MAP4: variants seen among roughly 807,000 people sequenced by gnomAD.
The protein encoded by MAP4 is microtubule-associated protein 4.
A neutral mutation model predicts 170.2 loss-of-function variants in MAP4; 76 were observed. That is an observed-to-expected ratio of 0.45 (90% CI 0.37 to 0.54). The LOEUF (loss-of-function observed/expected upper bound fraction) is 0.54, where lower values mean the gene tolerates loss of function less well. MAP4 is among the 20% of genes least tolerant of loss of function. The pLI is 0.00. For synonymous variants in MAP4, 909 were observed against 994.5 expected, an observed-to-expected ratio of 0.91 and a Z score of 1.62; for missense variants, 2,506 against 2,748.0, an observed-to-expected ratio of 0.91 and a Z score of 1.97.
chr3:47,997,511 A>T (rs1452984059), intron 2 of MAP4, among the ~76,000 whole-genome samples: 1 of 151,796 alleles, frequency 6.6e-6, no homozygotes, highest in Non-Finnish European at 1.5e-5. Flanking sequence ...TTAGAAAAGA[A>T]ATGTCTCAGA....
rs1013322314 is a variant in MAP4 at position 47,889,311 on chromosome 3, C to A, written c.5435-11788G>T. ...TCATATCTTTGTTTAATATGAGTTC[C>A]CTTGCCTGGAAGGCTTTCCCTCCGC... On this transcript the variant is annotated intron_variant, in intron 10 of 20. Transcript: ENST00000683076. Among the ~76,000 whole-genome samples the A allele has an allele frequency of 5.9e-5, 9 of 152,200 alleles. No homozygotes were observed. In the East Asian group the frequency reaches 1.7e-3, roughly 29 times the overall value.
chr3:47,852,770 C>T lies in MAP4; in HGVS notation c.*164G>A, dbSNP rs188027721. The T allele has an allele frequency of 1.4e-5, 22 of 1,545,440 alleles. No individual in the cohort carries two copies. The highest frequency in any genetic ancestry group is 9.8e-5 in the Admixed American group (5 of 50,892). ...GGCGAGCCTAGCGGGCTGCCCAGCA[C>T]GGCGCCCAAGCGCTCACTGGTCTAG... On this transcript the variant is annotated 3_prime_UTR_variant, in exon 21 of 21. Transcript: ENST00000683076.
rs189029023 is a variant in MAP4 at position 47,958,971 on chromosome 3, C to T, written c.292+18894G>A. On this transcript the variant is annotated intron_variant, in intron 3 of 20. Coordinates refer to ENST00000683076, the MANE Select transcript of MAP4 (RefSeq NM_001385682.1). ...TGCTGAAATTACAGGCATGAGCCAC[C>T]GCACCCGCCTTGAAATTAGATTTAT... Among the ~76,000 whole-genome samples the T allele has an allele frequency of 6.0e-4, 92 of 152,122 alleles. 1 individual carries two copies. The highest frequency in any genetic ancestry group is 1.5e-3 in the African/African-American group (64 of 41,512).
chr3:48,075,700 G>A (rs1325520382), intron 1 of MAP4, among the ~76,000 whole-genome samples: 3 of 151,688 alleles, frequency 2.0e-5, no homozygotes, highest in Non-Finnish European at 4.4e-5. Context: ...TGGGCCGGGC[G>A]CAGTGGTTCA....
At chr3:47,983,200 C>T (rs2100086442) in intron 2 of MAP4, among the ~76,000 whole-genome samples, 1 of 152,108 alleles carries the variant, frequency 6.6e-6, no homozygotes, top group South Asian at 2.1e-4. Flanking sequence ...CCATGGCACC[C>T]GGCAAAGATT....
intron 17 of MAP4, among the ~76,000 whole-genome samples, chr3:47,858,586 GGTGTGT>G (rs59208724): frequency 1.2e-4 from 17 of 145,276 alleles, no homozygotes; most frequent in Middle Eastern, 3.5e-3. Flanking sequence ...GTGAGGGGGT[GGTGTGT>G]GTGTGTGTGT....
chr3:47,911,227 C>T lies in MAP4; in HGVS notation c.3194G>A (p.Arg1065Lys), dbSNP rs1351692759. ...TGTTCTCATTTTCCCAGAACTTCCC[C>T]TTCCCTTCCTGCTTTTGCCATCACC... ...MAGDGKSRKG[R>K]GSSGKMRTDS... The change falls in exon 9 of 21, where the codon AGG (arginine) becomes AAG (lysine). Residue 1065 changes from arginine (R) to lysine (K), a missense_variant. Arg to Lys is a conservative substitution (Grantham distance 26, BLOSUM62 2). Coordinates refer to ENST00000683076, the MANE Select transcript of MAP4 (RefSeq NM_001385682.1). The surrounding 1 kb of genome is among the most constrained non-coding windows in gnomAD (Gnocchi z 4.0). 3 of 1,536,120 alleles carry T rather than the reference C, an allele frequency of 2.0e-6. No individual in the cohort carries two copies. In the Admixed American group the frequency reaches 5.9e-5, roughly 30 times the overall value.
At chr3:47,902,888 G>T in intron 10 of MAP4, 62 bp downstream of exon 10, 1 of 774,718 alleles carries the variant, frequency 1.3e-6, no homozygotes, top group Non-Finnish European at 1.6e-6. Context: ...CAAGGGCCTT[G>T]AAACTGTTAG....
intron 10 of MAP4, among the ~76,000 whole-genome samples, chr3:47,886,682 T>A (rs954043633): frequency 5.3e-5 from 8 of 152,150 alleles, no homozygotes; most frequent in Admixed American, 5.2e-4. Flanking sequence ...ACTTACTAAC[T>A]CCTTCAATGA....
chr3:47,909,068 G>T lies in MAP4; in HGVS notation c.5353C>A (p.Gln1785Lys), dbSNP rs1416611828. 1.2e-6 allele frequency: 2 copies of T among 1,613,740 alleles called. No homozygotes were observed. Among genetic ancestry groups the T allele is most frequent in the African/African-American group, 2.7e-5 (2 of 74,910 alleles). The change falls in exon 9 of 21, where the codon CAA (glutamine) becomes AAA (lysine). Residue 1785 changes from glutamine (Q) to lysine (K), a missense_variant. Transcript: ENST00000683076. Reference sequence around the variant, plus strand: ...GACTTCAGTTGCTTATGTCTCTCTTGTTCCTGGATTGTAGACTTTGGCAAA... The same window carrying T: ...GACTTCAGTTGCTTATGTCTCTCTTTTTCCTGGATTGTAGACTTTGGCAAA... ...PLLPKSTIQE[Q>K]ERHKQLKSAV... is the part of the protein sequence containing the mutation.
At position 47,871,974 on chromosome 3, in the gene MAP4, C is replaced by G. The variant is rs138793102; in HGVS notation, c.5884G>C (p.Ala1962Pro). 307 of 1,613,906 alleles carry G rather than the reference C, an allele frequency of 1.9e-4. No homozygotes were observed. Among genetic ancestry groups the G allele is most frequent in the Non-Finnish European group, 2.5e-4 (294 of 1,179,964 alleles). The change falls in exon 13 of 21, where the codon GCC becomes CCC. Residue 1962 changes from alanine to proline, a missense_variant. This residue lies in a region of MAP4 where 487 missense variants were observed against 511.6 expected (regional missense o/e 0.95). Coordinates refer to ENST00000683076, the MANE Select transcript of MAP4 (RefSeq NM_001385682.1). ...CTCCTACTGCTTGGGCCAGTTGAGG[C>G]AACAGCAGCAGCTGTTGTGGTTTTT... The part of the protein sequence containing the change: ...VAKTTTAAAV[A>P]STGPSSRSPS...
chr3:47,989,258 T>C (rs913641181), intron 2 of MAP4, among the ~76,000 whole-genome samples: 4 of 152,192 alleles, frequency 2.6e-5, no homozygotes, highest in African/African-American at 7.2e-5. Context: ...TTAAAAAATA[T>C]TGTTTTAATT....
intron 10 of MAP4, among the ~76,000 whole-genome samples, chr3:47,900,743 A>G (rs1421442169): frequency 1.3e-5 from 2 of 150,870 alleles, no homozygotes; most frequent in Admixed American, 6.6e-5. Context: ...CAAAACAACA[A>G]CAACAACAAC....
intron 7 of MAP4, among the ~76,000 whole-genome samples, chr3:47,915,503 G>A (rs999852452): frequency 1.3e-5 from 2 of 152,106 alleles, no homozygotes; most frequent in Admixed American, 6.5e-5. Flanking sequence ...AAATTGGTAT[G>A]AGGGGCAAAA....
intron 2 of MAP4, among the ~76,000 whole-genome samples, chr3:47,984,554 G>A (rs1263984055): frequency 6.6e-6 from 1 of 152,114 alleles, no homozygotes; most frequent in African/African-American, 2.4e-5. Flanking sequence ...TAAAGAGGCT[G>A]GGCGTGGTGG....
intron 1 of MAP4, among the ~76,000 whole-genome samples, chr3:48,021,475 A>G (rs2100110522): frequency 6.6e-6 from 1 of 151,990 alleles, no homozygotes; most frequent in African/African-American, 2.4e-5. Context: ...AGCCTCCTGA[A>G]TAGCTGGGAC....
At chr3:48,005,222 G>A (rs765616431) in intron 1 of MAP4, among the ~76,000 whole-genome samples, 1 of 152,134 alleles carries the variant, frequency 6.6e-6, no homozygotes, top group Admixed American at 6.5e-5. Context: ...TTAGCCGGGC[G>A]TGGTGGTGCA....
chr3:47,899,149 T>C (rs112972313), intron 10 of MAP4, among the ~76,000 whole-genome samples: 158 of 152,168 alleles, frequency 1.0e-3, no homozygotes, highest in Non-Finnish European at 1.6e-3. Flanking sequence ...TACATGAAGT[T>C]TGAAAAGGGT....
intron 3 of MAP4, among the ~76,000 whole-genome samples, chr3:47,936,195 G>C (rs9828054): frequency 2.6e-5 from 4 of 151,968 alleles, no homozygotes; most frequent in South Asian, 4.2e-4. Context: ...AGCACTTTGA[G>C]AGGCTGAGGT....
Sources: allele counts gnomAD v4.1 joint callset (sites outside exome capture counted in the v4.1 genomes callset), GRCh38; gene constraint gnomAD v4.1.1; regional missense constraint gnomAD v4.1.1; non-coding constraint Gnocchi (gnomAD v3.1); transcripts MANE v1.5; gene names NCBI Gene and HGNC (gene_info 2026-07-23, HGNC 2026-07-21).